EEF1AKMT2: variants seen among roughly 807,000 people sequenced by gnomAD.
EEF1AKMT2 encodes EEF1A lysine methyltransferase 2.
A neutral mutation model predicts 35.8 loss-of-function variants in EEF1AKMT2; 32 were observed. The observed-to-expected ratio is 0.89, with a 90% CI of 0.67 to 1.20. The LOEUF (loss-of-function observed/expected upper bound fraction) is 1.20. EEF1AKMT2 is among the 50% of genes most tolerant of loss of function. The pLI, the probability that EEF1AKMT2 is intolerant of heterozygous loss-of-function variation, is 0.00. For synonymous variants in EEF1AKMT2, 121 were observed against 133.7 expected (o/e 0.91, Z 0.65); for missense variants, 330 against 347.5 (o/e 0.95, Z 0.40).
rs918626769 is a variant in EEF1AKMT2 at position 124,759,383 on chromosome 10, G to A, written c.*1120C>T. 1 of 152,094 alleles carries A rather than the reference G, an allele frequency of 6.6e-6. No individual in the cohort carries two copies. Among genetic ancestry groups the A allele is most frequent in the African/African-American group, 2.4e-5 (1 of 41,418 alleles). 9.4% of individuals were successfully genotyped at this position (152,094 alleles called of 1,614,324 possible). A position where few individuals can be genotyped will look rare whatever the true frequency, so the allele number is the denominator to read the frequency against. The stretch of plus-strand genomic sequence containing the variant: ...AGGGAGATGGGGAAAAGTAATGAAG[G>A]ATGATATGAGACAGAGTTGGCTGAC... On this transcript the variant is annotated 3_prime_UTR_variant, in exon 7 of 7. Transcript: ENST00000368836.
Position 124,783,043 on chromosome 10 carries a change from C to T in EEF1AKMT2, c.291+6000G>A, listed in dbSNP as rs76161065. ...TGGAAAACAATATAACATGTAAAAA[C>T]TAAACAAAAAGGGGCTGAACATCAT... On this transcript the variant is annotated intron_variant, in intron 3 of 6. Coordinates refer to ENST00000368836, the MANE Select transcript of EEF1AKMT2 (RefSeq NM_212554.4). 1.6e-3 allele frequency: 574 copies of T among 351,376 alleles called. 2 individuals carry two copies. Among genetic ancestry groups the T allele is most frequent in the African/African-American group, 0.012 (530 of 45,294 alleles). The allele number at this position is 351,376 out of a possible 1,614,324, so 21.8% of individuals were successfully genotyped here.
chr10:124,775,121 A>G (rs1012245226), intron 3 of EEF1AKMT2, among the ~76,000 whole-genome samples: 13 of 152,320 alleles, frequency 8.5e-5, no homozygotes, highest in African/African-American at 2.9e-4. Context: ...TAAATTTGTC[A>G]TATATTTTAC....
chr10:124,775,635 C>G (rs1265792390), intron 3 of EEF1AKMT2, among the ~76,000 whole-genome samples: 1 of 152,188 alleles, frequency 6.6e-6, no homozygotes. Flanking sequence ...TAACCTACTG[C>G]CACATCAAAT....
intron 3 of EEF1AKMT2, among the ~76,000 whole-genome samples, chr10:124,788,314 G>A (rs1950604732): frequency 6.6e-6 from 1 of 151,970 alleles, no homozygotes; most frequent in Non-Finnish European, 1.5e-5. Context: ...TATATTCAGT[G>A]TATTACTGCA....
At chr10:124,768,428 T>G (rs10430743) in intron 4 of EEF1AKMT2, among the ~76,000 whole-genome samples, 83,338 of 151,806 alleles carry the variant, frequency 0.55, 23,371 homozygotes, top group South Asian at 0.65. Flanking sequence ...GACCAACATG[T>G]TGAAACCCGG....
chr10:124,790,581 A>T (rs1950625613), intron 1 of EEF1AKMT2, among the ~76,000 whole-genome samples: 2 of 152,120 alleles, frequency 1.3e-5, no homozygotes, highest in Non-Finnish European at 2.9e-5. Context: ...GATGCACAAC[A>T]ATAAGTTTTA....
intron 4 of EEF1AKMT2, among the ~76,000 whole-genome samples, chr10:124,773,148 C>CACTT (rs1425853541): frequency 2.0e-5 from 3 of 152,156 alleles, no homozygotes; most frequent in Non-Finnish European, 4.4e-5. Context: ...TTCAACTGAA[C>CACTT]ACTTACAGGC....
chr10:124,784,690 G>A (rs913245608), intron 3 of EEF1AKMT2, among the ~76,000 whole-genome samples: 28 of 152,106 alleles, frequency 1.8e-4, no homozygotes, highest in African/African-American at 5.1e-4. Context: ...CAGAACTTTG[G>A]GAGGCCAAGA....
In EEF1AKMT2 at chr10:124,759,782, CT is replaced by C. The variant is rs1266606195; in HGVS notation, c.*720del. On this transcript the variant is annotated 3_prime_UTR_variant, in exon 7 of 7. Coordinates refer to ENST00000368836, the MANE Select transcript of EEF1AKMT2 (RefSeq NM_212554.4). ...GCAAATAATAACATTCCTTAGTTCT[CT>C]TTCCTTCTACTACCCTTACAGTGTG... is the stretch of plus-strand genomic sequence containing the variant. 6.6e-6 allele frequency: 1 copy of C among 152,242 alleles called. No individual in the cohort carries two copies. The highest frequency in any genetic ancestry group is 1.5e-5 in the Non-Finnish European group (1 of 68,052). The allele number at this position is 152,242 out of a possible 1,614,324, so 9.4% of individuals were successfully genotyped here.
Position 124,791,813 on chromosome 10 carries a change from G to A in EEF1AKMT2, c.21C>T (p.Gly7=). 1.3e-6 allele frequency: 2 copies of A among 1,583,746 alleles called. No individual in the cohort carries two copies. The highest frequency in any genetic ancestry group is 1.7e-6 in the Non-Finnish European group (2 of 1,170,722). MSSGAD[G]GGGAAVAARS... is the part of the protein sequence containing the mutation. The stretch of plus-strand genomic sequence containing the variant: ...GCGCCGCCACCGCAGCGCCACCGCC[G>A]CCGTCAGCGCCCGAGCTCATTTCGC... Residue 7 remains glycine, a synonymous_variant, in exon 1 of 7, where the codon GGC becomes GGT. Coordinates refer to ENST00000368836, the MANE Select transcript of EEF1AKMT2 (RefSeq NM_212554.4).
intron 4 of EEF1AKMT2, among the ~76,000 whole-genome samples, chr10:124,773,647 C>T (rs778289727): frequency 4.6e-5 from 7 of 152,274 alleles, no homozygotes; most frequent in African/African-American, 1.7e-4. Flanking sequence ...GCAGACAGAA[C>T]ATACATTTAT....
Position 124,765,481 on chromosome 10 carries a change from G to A in EEF1AKMT2, c.527C>T (p.Ser176Phe). 6.2e-7 allele frequency: 1 copy of A among 1,613,970 alleles called. No homozygotes were observed. Among genetic ancestry groups the A allele is most frequent in the Non-Finnish European group, 8.5e-7 (1 of 1,179,946 alleles). Residue 176 changes from serine (S) to phenylalanine (F), a missense_variant, in exon 5 of 7, where the codon TCT becomes TTT. By Grantham distance (155) the Ser-to-Phe change is radical (BLOSUM62 -2). Coordinates refer to ENST00000368836, the MANE Select transcript of EEF1AKMT2 (RefSeq NM_212554.4). ...AIEKRKQYVK[S>F]LSRVLKVKGF... ...TTTTACTTTCAACACCCTGGAGAGA[G>A]ATTTCACATATTGCTTCCTCTTCTC...
At chr10:124,777,401 C>T (rs1950497113) in intron 3 of EEF1AKMT2, among the ~76,000 whole-genome samples, 1 of 152,056 alleles carries the variant, frequency 6.6e-6, no homozygotes, top group Non-Finnish European at 1.5e-5. Flanking sequence ...TGGTAGAGCC[C>T]ACTGCACACT....
At chr10:124,768,289 G>A (rs575183820) in intron 4 of EEF1AKMT2, among the ~76,000 whole-genome samples, 11 of 152,274 alleles carry the variant, frequency 7.2e-5, no homozygotes, top group African/African-American at 2.2e-4. Context: ...TGTGAGCAAG[G>A]AAGCGACATG....
chr10:124,788,710 T>TTTTATATATATA (rs1414544581), intron 3 of EEF1AKMT2, among the ~76,000 whole-genome samples: 3 of 92,576 alleles, frequency 3.2e-5, no homozygotes, highest in African/African-American at 1.0e-4. Context: ...AAGGTCATCT[T>TTTTATATATATA]TATATATATA....
chr10:124,782,650 A>G (rs1306136175), intron 3 of EEF1AKMT2, among the ~76,000 whole-genome samples: 1 of 151,640 alleles, frequency 6.6e-6, no homozygotes, highest in Non-Finnish European at 1.5e-5. Flanking sequence ...CGTCTGTACT[A>G]AAAATACAAA....
At chr10:124,771,105 CT>C (rs34982773) in intron 4 of EEF1AKMT2, among the ~76,000 whole-genome samples, 174 of 145,028 alleles carry the variant, frequency 1.2e-3, no homozygotes, top group East Asian at 1.0e-3. Context: ...TTTCTTTTTT[CT>C]TTTTTTTTTT....
At chr10:124,779,280 C>A (rs537263995) in intron 3 of EEF1AKMT2, among the ~76,000 whole-genome samples, 1 of 152,090 alleles carries the variant, frequency 6.6e-6, no homozygotes, top group Non-Finnish European at 1.5e-5. Flanking sequence ...TACAAGGACA[C>A]ACCACGACAC....
At chr10:124,784,296 A>T (rs537467491) in intron 3 of EEF1AKMT2, among the ~76,000 whole-genome samples, 8 of 152,336 alleles carry the variant, frequency 5.3e-5, no homozygotes, top group Admixed American at 5.2e-4. Flanking sequence ...CATAACAGAA[A>T]AATCCCAAAA....
Sources: allele counts gnomAD v4.1 joint callset (sites outside exome capture counted in the v4.1 genomes callset), GRCh38; gene constraint gnomAD v4.1.1; transcripts MANE v1.5; gene names NCBI Gene and HGNC (gene_info 2026-07-23, HGNC 2026-07-21).